TMTC2: variants seen among roughly 807,000 people sequenced by gnomAD.
The protein encoded by TMTC2 is transmembrane O-mannosyltransferase targeting cadherins 2.
Under a neutral mutation model 82.4 loss-of-function variants are expected in TMTC2, and 43 were observed. That is an observed-to-expected ratio of 0.52 (90% confidence interval 0.41 to 0.67). The LOEUF is 0.67. TMTC2 is among the 30% of genes least tolerant of loss of function. TMTC2 has a pLI of 0.00. For missense variants in TMTC2, 919 were observed against 1,012.4 expected (o/e 0.91, Z 1.25); for synonymous variants, 408 against 381.9 (o/e 1.07, Z -0.80).
chr12:82,951,753 T>A (rs1877360282), intron 4 of TMTC2, among the ~76,000 whole-genome samples: 1 of 152,238 alleles, frequency 6.6e-6, no homozygotes, highest in Non-Finnish European at 1.5e-5. Context: ...AGCAAGTGTG[T>A]TAAGCATTTT....
intron 11 of TMTC2, among the ~76,000 whole-genome samples, chr12:83,131,421 C>T (rs1000966312): frequency 2.0e-5 from 3 of 151,694 alleles, no homozygotes; most frequent in Non-Finnish European, 4.4e-5. Flanking sequence ...AACCTTTTTT[C>T]CACATGTGAT....
At chr12:83,016,257 T>C (rs1449888516) in intron 8 of TMTC2, among the ~76,000 whole-genome samples, 1 of 152,214 alleles carries the variant, frequency 6.6e-6, no homozygotes, top group Non-Finnish European at 1.5e-5. Context: ...TAAATAATTT[T>C]CTTAATTTGG....
intron 11 of TMTC2, among the ~76,000 whole-genome samples, chr12:83,101,867 A>G (rs1190238604): frequency 1.3e-5 from 2 of 152,252 alleles, no homozygotes; most frequent in Non-Finnish European, 2.9e-5. Flanking sequence ...ACTAAGATAG[A>G]GGAAGATCTA....
At chr12:83,073,542 A>C (rs993324982) in intron 11 of TMTC2, among the ~76,000 whole-genome samples, 2 of 152,122 alleles carry the variant, frequency 1.3e-5, no homozygotes, top group Non-Finnish European at 2.9e-5. Context: ...AGGCCAGGGA[A>C]GTTTTCCTTG....
chr12:82,868,697 C>G (rs551568674), intron 2 of TMTC2, among the ~76,000 whole-genome samples: 1 of 138,076 alleles, frequency 7.2e-6, no homozygotes, highest in East Asian at 2.0e-4. Flanking sequence ...TCAAGTCTCT[C>G]TCTTTTTTTT....
At chr12:82,726,379 C>T (rs1010950489) in intron 1 of TMTC2, among the ~76,000 whole-genome samples, 10 of 152,140 alleles carry the variant, frequency 6.6e-5, no homozygotes, top group Admixed American at 5.2e-4. Flanking sequence ...ATGGTAATGA[C>T]ACTTGTGGTT....
intron 1 of TMTC2, among the ~76,000 whole-genome samples, chr12:82,776,643 G>T (rs1362411680): frequency 1.3e-5 from 2 of 151,562 alleles, no homozygotes; most frequent in African/African-American, 2.4e-5. Context: ...AAAGAATCTG[G>T]GTGTGATGGC....
intron 11 of TMTC2, among the ~76,000 whole-genome samples, chr12:83,123,683 A>G (rs1401794212): frequency 2.6e-5 from 4 of 152,164 alleles, no homozygotes; most frequent in African/African-American, 7.2e-5. Flanking sequence ...AAATTAATTG[A>G]AATTCTGACT....
chr12:82,752,267 C>T (rs1876052254), intron 1 of TMTC2, among the ~76,000 whole-genome samples: 1 of 151,256 alleles, frequency 6.6e-6, no homozygotes, highest in Admixed American at 6.6e-5. Context: ...GGCAGATCAC[C>T]TGAGGTCAGG....
intron 8 of TMTC2, among the ~76,000 whole-genome samples, chr12:83,014,194 G>T (rs1880574334): frequency 6.6e-6 from 1 of 152,006 alleles, no homozygotes; most frequent in Non-Finnish European, 1.5e-5. Flanking sequence ...ACAGCATCTG[G>T]CTCTGTCACC....
intron 11 of TMTC2, among the ~76,000 whole-genome samples, chr12:83,097,139 C>T (rs1164502070): frequency 1.3e-5 from 2 of 152,180 alleles, no homozygotes; most frequent in Non-Finnish European, 2.9e-5. Flanking sequence ...AACTAACTAA[C>T]ACACAACTAA....
rs7974520 is a variant in TMTC2, at chr12:83,133,132, T to A, written c.*743T>A. On this transcript the variant is annotated 3_prime_UTR_variant, in exon 12 of 12. Coordinates refer to ENST00000321196, the MANE Select transcript of TMTC2 (RefSeq NM_152588.3). ...TTATATGTGTCAGGCAGGCATTTTT[T>A]AAATTTTAATATCGTCAATATTTTC... 32,524 of 152,146 alleles carry A rather than the reference T, an allele frequency of 0.21. 3,814 individuals carry two copies. Among genetic ancestry groups the A allele is most frequent in the East Asian group, 0.33 (1,689 of 5,162 alleles). 9.4% of individuals were successfully genotyped at this position (152,146 alleles called of 1,614,324 possible).
chr12:82,914,708 T>G (rs1020718964), intron 3 of TMTC2, among the ~76,000 whole-genome samples: 1 of 152,078 alleles, frequency 6.6e-6, no homozygotes, highest in African/African-American at 2.4e-5. Flanking sequence ...AATCCATTAA[T>G]GAAATATACC....
rs1872352906 is a variant in TMTC2 at position 82,687,229 on chromosome 12, C to T, written c.-358C>T. 1 of 332,028 alleles carries T rather than the reference C, an allele frequency of 3.0e-6. No individual in the cohort carries two copies. The highest frequency in any genetic ancestry group is 5.7e-6 in the Non-Finnish European group (1 of 174,486). The allele number at this position is 332,028 out of a possible 1,614,324, so 20.6% of individuals were successfully genotyped here. ...ACCTCCTCCGAGTCCCACTCCTCAC[C>T]TAGGACGCCCCAAACTGCCATGGGT... On this transcript the variant is annotated 5_prime_UTR_variant, in exon 1 of 12. Transcript: ENST00000321196.
chr12:82,813,289 T>C (rs1868507237), intron 1 of TMTC2, among the ~76,000 whole-genome samples: 1 of 152,154 alleles, frequency 6.6e-6, no homozygotes. Flanking sequence ...CATTTTGTCA[T>C]ACTCAGTCAA....
intron 11 of TMTC2, among the ~76,000 whole-genome samples, chr12:83,077,112 A>T (rs1883306034): frequency 6.6e-6 from 1 of 152,164 alleles, no homozygotes; most frequent in Non-Finnish European, 1.5e-5. Context: ...GACAGCTGGG[A>T]ATTTATAGTG....
intron 8 of TMTC2, among the ~76,000 whole-genome samples, chr12:83,028,047 A>G (rs1480998940): frequency 6.6e-6 from 1 of 152,122 alleles, no homozygotes; most frequent in East Asian, 1.9e-4. Context: ...TTCTTAAAGT[A>G]TCATTTTTTG....
At chr12:82,857,665 T>G in intron 2 of TMTC2, 85 bp downstream of exon 2, 2 of 1,271,874 alleles carry the variant, frequency 1.6e-6, no homozygotes, top group Non-Finnish European at 2.2e-6. Flanking sequence ...AGCAAATTTA[T>G]TCCTCTGCAA....
intron 2 of TMTC2, among the ~76,000 whole-genome samples, chr12:82,866,496 AT>A (rs923005746): frequency 6.6e-6 from 1 of 152,216 alleles, no homozygotes; most frequent in African/African-American, 2.4e-5. Context: ...TGACACGCAA[AT>A]TGGATCTTGT....
Sources: gnomAD v4.1 joint callset for allele counts (sites outside exome capture counted in the v4.1 genomes callset) on GRCh38, gnomAD v4.1.1 for gene constraint, MANE v1.5 for transcripts, NCBI Gene and HGNC (gene_info 2026-07-23, HGNC 2026-07-21) for gene names.